ANK1: variants seen among roughly 807,000 people sequenced by gnomAD.
The protein encoded by ANK1 is ankyrin-1.
A neutral mutation model predicts 210.4 loss-of-function variants in ANK1; 51 were observed. The ratio of observed to expected loss-of-function variants is 0.24; its 90% confidence interval spans 0.19 to 0.31. The LOEUF is 0.31. Ranked by LOEUF, ANK1 falls within the 10% of genes least tolerant of loss-of-function variation. The pLI is 1.00. For missense variants in ANK1, 2,051 were observed against 2,504.4 expected, an observed-to-expected ratio of 0.82 and a Z score of 3.86; for synonymous variants, 967 against 1,025.9, an observed-to-expected ratio of 0.94 and a Z score of 1.10.
intron 3 of ANK1, among the ~76,000 whole-genome samples, chr8:41,733,269 C>T (rs1030407301): frequency 2.0e-5 from 3 of 152,120 alleles, no homozygotes; most frequent in African/African-American, 4.8e-5. Context: ...GAATGCTGTT[C>T]CAGATCGTTA....
At chr8:41,666,709 G>T (rs1810662680) in intron 39 of ANK1, among the ~76,000 whole-genome samples, 1 of 152,246 alleles carries the variant, frequency 6.6e-6, no homozygotes, top group East Asian at 1.9e-4. Flanking sequence ...AGCCCTCGGG[G>T]CCTGTGAGAT....
rs776397611 is a variant in ANK1 at position 41,665,217 on chromosome 8, G to A, written c.5395-1475C>T. ...GGGCAGGACACCGAATGGCCCTCTC[G>A]GCTGAAGCAGCCCGGCCCAAGTGCC... On this transcript the variant is annotated intron_variant, in intron 39 of 42. Transcript: ENST00000289734. 3.4e-5 allele frequency: 52 copies of A among 1,524,668 alleles called. 2 individuals carry two copies. The South Asian group carries it at 3.6e-4, about 11-fold the overall frequency. The allele number at this position is 1,524,668 out of a possible 1,614,324, so 94.4% of individuals were successfully genotyped here. A position where few individuals can be genotyped will look rare whatever the true frequency, so the allele number is the denominator to read the frequency against.
intron 1 of ANK1, among the ~76,000 whole-genome samples, chr8:41,875,373 G>C (rs1349662084): frequency 6.6e-6 from 1 of 152,230 alleles, no homozygotes; most frequent in African/African-American, 2.4e-5. Flanking sequence ...AGCATGGATG[G>C]AGGCGGGTAT....
chr8:41,797,592 A>C lies in ANK1; in HGVS notation c.-54T>G, dbSNP rs1849014447. The C allele has an allele frequency of 6.2e-7, 1 of 1,609,590 alleles. No individual in the cohort carries two copies. On this transcript the variant is annotated 5_prime_UTR_variant, in exon 1 of 43. Coordinates refer to ENST00000289734, the MANE Select transcript of ANK1 (RefSeq NM_000037.4). The surrounding 1 kb of genome is among the most constrained non-coding windows in gnomAD (Gnocchi z 4.0). ...GGGCCTTGGGGGCTTGAGGAGGAGC[A>C]GCTGGGGCTGGCGGACTCACCGCAG...
intron 1 of ANK1, among the ~76,000 whole-genome samples, chr8:41,774,698 G>C (rs768533175): frequency 1.8e-4 from 27 of 152,246 alleles, no homozygotes; most frequent in Admixed American, 8.5e-4. Context: ...AGATATTGGG[G>C]TGTCTTGTGG....
At chr8:41,854,452 G>A (rs998308046) in intron 1 of ANK1, among the ~76,000 whole-genome samples, 1 of 152,268 alleles carries the variant, frequency 6.6e-6, no homozygotes, top group Non-Finnish European at 1.5e-5. Flanking sequence ...AAGGATGAAC[G>A]GCAAGCACAA....
intron 7 of ANK1, among the ~76,000 whole-genome samples, 166 bp downstream of exon 7, chr8:41,724,290 G>T (rs1004373081): frequency 6.6e-6 from 1 of 152,202 alleles, no homozygotes; most frequent in Non-Finnish European, 1.5e-5. Context: ...GGTGGAAACT[G>T]GGGGGTAGAT....
intron 1 of ANK1, among the ~76,000 whole-genome samples, chr8:41,854,981 T>G (rs898140115): frequency 2.6e-5 from 4 of 151,524 alleles, no homozygotes; most frequent in African/African-American, 9.7e-5. Flanking sequence ...AGCAGAACGC[T>G]GGTCCCTATT....
intron 3 of ANK1, among the ~76,000 whole-genome samples, chr8:41,729,588 C>T (rs1342442395): frequency 6.6e-6 from 1 of 152,234 alleles, no homozygotes; most frequent in Non-Finnish European, 1.5e-5. Flanking sequence ...GATGGGCTCT[C>T]ACTTTGTTGT....
intron 1 of ANK1, among the ~76,000 whole-genome samples, chr8:41,794,326 A>G (rs1317849335): frequency 6.6e-6 from 1 of 152,060 alleles, no homozygotes; most frequent in Non-Finnish European, 1.5e-5. Context: ...GGTTATTCCC[A>G]TGACACACGC....
At chr8:41,679,723 A>C (rs11997440) in intron 37 of ANK1, among the ~76,000 whole-genome samples, 144,961 of 150,656 alleles carry the variant, frequency 0.96, 69,969 homozygotes, top group East Asian at 1. Context: ...CCATCACGCC[A>C]GGCTAATTTT....
At chr8:41,866,241 G>A (rs1273106506) in intron 1 of ANK1, among the ~76,000 whole-genome samples, 1 of 152,226 alleles carries the variant, frequency 6.6e-6, no homozygotes, top group African/African-American at 2.4e-5. Context: ...CCATGCTGAA[G>A]TGCAATGGCG....
chr8:41,656,743 A>G (rs372959273), intron 42 of ANK1, among the ~76,000 whole-genome samples: 12 of 152,302 alleles, frequency 7.9e-5, no homozygotes, highest in Non-Finnish European at 1.2e-4. Context: ...ATCCCCAGAC[A>G]TAGAGCTGTT....
At chr8:41,665,593 G>A in intron 39 of ANK1, 1 of 302,354 alleles carries the variant, frequency 3.3e-6, no homozygotes, top group South Asian at 3.0e-5. Flanking sequence ...GGCTGCTACT[G>A]CGGTGATCCA....
chr8:41,744,641 A>C (rs897713186), intron 2 of ANK1, among the ~76,000 whole-genome samples: 8 of 148,074 alleles, frequency 5.4e-5, no homozygotes, highest in Non-Finnish European at 7.4e-5. Flanking sequence ...GGTTCACACC[A>C]TTCTCCTGCC....
chr8:41,803,009 G>GAAAGAAAGAA (rs1850209816), intron 1 of ANK1, among the ~76,000 whole-genome samples: 1 of 82,810 alleles, frequency 1.2e-5, no homozygotes, highest in South Asian at 4.9e-4. Flanking sequence ...AAGAAAGAAA[G>GAAAGAAAGAA]AAAGAAAGAA....
chr8:41,803,023 AAGAAAGAAAGAAAGAAAG>A (rs1440160678), intron 1 of ANK1, among the ~76,000 whole-genome samples: 253 of 101,400 alleles, frequency 2.5e-3, no homozygotes, highest in Non-Finnish European at 4.2e-3. Flanking sequence ...GAAAGAAAGA[AAGAAAGAAAGAAAGAAAG>A]AGAAAGAAAG....
intron 1 of ANK1, among the ~76,000 whole-genome samples, chr8:41,837,090 C>A (rs75801106): frequency 0.018 from 2,704 of 152,272 alleles, 33 homozygotes; most frequent in East Asian, 0.028. Context: ...GAGAGAAGAT[C>A]CTCAATAAAT....
At chr8:41,813,841 T>G (rs926687992) in intron 1 of ANK1, among the ~76,000 whole-genome samples, 1 of 152,220 alleles carries the variant, frequency 6.6e-6, no homozygotes, top group African/African-American at 2.4e-5. Context: ...CCACCTTTAA[T>G]GTAACAATAT....
Sources: gnomAD v4.1 joint callset for allele counts (sites outside exome capture counted in the v4.1 genomes callset) on GRCh38, gnomAD v4.1.1 for gene constraint, Gnocchi (gnomAD v3.1) non-coding constraint, MANE v1.5 for transcripts, NCBI Gene and HGNC (gene_info 2026-07-23, HGNC 2026-07-21) for gene names.